The following TOMM20 variants were observed in gnomAD, a reference collection of about 807,000 sequenced individuals.
TOMM20 encodes the protein translocase of outer mitochondrial membrane 20.
A neutral mutation model predicts 22.1 loss-of-function variants in TOMM20; 10 were observed. The observed-to-expected ratio is 0.45, with a 90% confidence interval of 0.28 to 0.77. The LOEUF (loss-of-function observed/expected upper bound fraction) is 0.77, where lower values mean the gene tolerates loss of function less well. Among genes scored for constraint, TOMM20 ranks in the 30% least tolerant of loss-of-function variants. TOMM20 has a pLI of 0.13. For missense variants in TOMM20, 121 were observed against 172.2 expected (o/e 0.70, Z 1.66); for synonymous variants, 55 against 61.4 (o/e 0.90, Z 0.49).
At chr1:235,120,276 GT>G (rs967019431) in intron 2 of TOMM20, among the ~76,000 whole-genome samples, 3 of 151,920 alleles carry the variant, frequency 2.0e-5, no homozygotes, top group Non-Finnish European at 4.4e-5. Flanking sequence ...TGTTGTTTTT[GT>G]TTTTTTGTTT....
chr1:235,118,541 T>A (rs1285068959), intron 3 of TOMM20, among the ~76,000 whole-genome samples: 1 of 152,190 alleles, frequency 6.6e-6, no homozygotes, highest in African/African-American at 2.4e-5. Flanking sequence ...TATATAGTTT[T>A]TAAGAGACAG....
chr1:235,122,230 G>T, intron 2 of TOMM20, 96 bp downstream of exon 2: 1 of 1,157,656 alleles, frequency 8.6e-7, no homozygotes, highest in Non-Finnish European at 1.2e-6. Context: ...GTATCAACTA[G>T]CTTTTTCCAA....
intron 3 of TOMM20, among the ~76,000 whole-genome samples, chr1:235,114,963 G>A (rs1438226905): frequency 6.6e-6 from 1 of 151,902 alleles, no homozygotes; most frequent in African/African-American, 2.4e-5. Context: ...TCAACCTCCT[G>A]GGCTCAAGCA....
chr1:235,117,003 T>A (rs11579715), intron 3 of TOMM20, among the ~76,000 whole-genome samples: 1 of 148,956 alleles, frequency 6.7e-6, no homozygotes, highest in South Asian at 2.1e-4. Flanking sequence ...GGCGTGGTGG[T>A]GGGCGCCTGT....
chr1:235,125,742 CTTTTT>C (rs397863373), intron 1 of TOMM20, among the ~76,000 whole-genome samples: 7 of 141,312 alleles, frequency 5.0e-5, no homozygotes, highest in Non-Finnish European at 9.3e-5. Context: ...CGCAACTGCA[CTTTTT>C]TTTTTTTTTT....
At chr1:235,120,444 T>A (rs1660911597) in intron 2 of TOMM20, among the ~76,000 whole-genome samples, 1 of 151,946 alleles carries the variant, frequency 6.6e-6, no homozygotes, top group African/African-American at 2.4e-5. Context: ...TTTGTATTTT[T>A]AGTAGAGATA....
chr1:235,126,617 A>C (rs1158169661), intron 1 of TOMM20, among the ~76,000 whole-genome samples: 1 of 152,050 alleles, frequency 6.6e-6, no homozygotes, highest in Non-Finnish European at 1.5e-5. Context: ...AACCTGGCCA[A>C]TATGGTGAAA....
chr1:235,128,512 G>A (rs1244721243), intron 1 of TOMM20, 83 bp downstream of exon 1: 5 of 1,598,664 alleles, frequency 3.1e-6, no homozygotes, highest in Non-Finnish European at 4.3e-6. Flanking sequence ...CGGCCCACAG[G>A]CTGGTGGGAG....
intron 2 of TOMM20, 77 bp downstream of exon 2, chr1:235,122,238 CAATTACATTTT>C (rs1572130609): frequency 8.1e-7 from 1 of 1,227,946 alleles, no homozygotes; most frequent in Non-Finnish European, 1.1e-6. Flanking sequence ...TAGCTTTTTC[CAATTACATTTT>C]AATTACATTT....
At position 235,128,648 on chromosome 1, in the gene TOMM20, T is replaced by C. The variant is rs781094074; in HGVS notation, c.68A>G (p.Tyr23Cys). Residue 23 changes from tyrosine to cysteine, a missense_variant, in exon 1 of 5, where the codon TAC becomes TGC. Physicochemically the swap from Tyr to Cys is radical, Grantham distance 194. Transcript: ENST00000366607. Reference protein sequence around the residue: ...CGALFIGYCIYFDRKRRSDPN... With the variant: ...CGALFIGYCICFDRKRRSDPN... Reference sequence around the variant, plus strand: ...GTCACTTCGTCTTTTGCGGTCGAAGTAGATGCAGTACCCAATGAAAAGGGC... The same window carrying C: ...GTCACTTCGTCTTTTGCGGTCGAAGCAGATGCAGTACCCAATGAAAAGGGC... 1.2e-6 allele frequency: 2 copies of C among 1,613,876 alleles called. No individual in the cohort carries two copies. The highest frequency in any genetic ancestry group is 2.2e-5 in the South Asian group (2 of 91,072).
At position 235,128,826 on chromosome 1, in the gene TOMM20, G is replaced by A. The variant is rs898680133; in HGVS notation, c.-111C>T. 6.5e-6 allele frequency: 10 copies of A among 1,539,102 alleles called. No individual in the cohort carries two copies. The African/African-American group carries it at 6.9e-5, about 11-fold the overall frequency. The stretch of plus-strand genomic sequence containing the variant: ...CTCACACCCGACGGCCGCGGGCCAG[G>A]AACACAGAAAGGCCGAGCACACGCC... On this transcript the variant is annotated 5_prime_UTR_variant, in exon 1 of 5. Coordinates refer to ENST00000366607, the MANE Select transcript of TOMM20 (RefSeq NM_014765.3).
In TOMM20 at chr1:235,121,525, C is replaced by T. The variant is rs373874076; in HGVS notation, c.168+801G>A. ...AAGTAGTTTCCTCCCATTTTCACTT[C>T]ACTATTACCATGTCCAGTCAACTAG... On this transcript the variant is annotated intron_variant, in intron 2 of 4. Coordinates refer to ENST00000366607, the MANE Select transcript of TOMM20 (RefSeq NM_014765.3). Among the ~76,000 whole-genome samples, 13 of 152,328 alleles carry T rather than the reference C, an allele frequency of 8.5e-5. No homozygotes were observed. In the South Asian group the frequency reaches 1.9e-3, roughly 22 times the overall value.
chr1:235,124,749 TC>T (rs1660983984), intron 1 of TOMM20, among the ~76,000 whole-genome samples: 2 of 152,218 alleles, frequency 1.3e-5, no homozygotes, highest in African/African-American at 4.8e-5. Context: ...AATTTTAAGA[TC>T]ACTTAGTTGC....
chr1:235,123,438 C>A (rs1028768256), intron 1 of TOMM20, among the ~76,000 whole-genome samples: 1 of 152,122 alleles, frequency 6.6e-6, no homozygotes, highest in South Asian at 2.1e-4. Context: ...TGAGCAGAGA[C>A]TGTGCCACTG....
At position 235,109,446 on chromosome 1, in the gene TOMM20, T is replaced by C. The variant is rs1660698236; in HGVS notation, c.*2618A>G. ...GATTTTGTATGTTATCTGCATGATA[T>C]ACCAATTTTCTCAATCTCTTCTGCA... is the stretch of plus-strand genomic sequence containing the variant. On this transcript the variant is annotated 3_prime_UTR_variant, in exon 5 of 5. Transcript: ENST00000366607. 1 of 152,240 alleles carries C rather than the reference T, an allele frequency of 6.6e-6. No individual in the cohort carries two copies. Among genetic ancestry groups the C allele is most frequent in the Admixed American group, 6.5e-5 (1 of 15,284 alleles). The allele number at this position is 152,240 out of a possible 1,614,324, so 9.4% of individuals were successfully genotyped here.
intron 1 of TOMM20, among the ~76,000 whole-genome samples, chr1:235,126,727 G>A (rs774419402): frequency 3.3e-5 from 5 of 152,012 alleles, no homozygotes; most frequent in Non-Finnish European, 7.4e-5. Flanking sequence ...TTGAACCCGG[G>A]AGGCGGAGGT....
At chr1:235,124,494 T>A (rs767289253) in intron 1 of TOMM20, among the ~76,000 whole-genome samples, 2 of 152,224 alleles carry the variant, frequency 1.3e-5, no homozygotes, top group African/African-American at 4.8e-5. Flanking sequence ...TCTGCCTCTA[T>A]AGTTAATAGT....
At chr1:235,118,052 G>A (rs1310196728) in intron 3 of TOMM20, among the ~76,000 whole-genome samples, 5 of 152,208 alleles carry the variant, frequency 3.3e-5, no homozygotes, top group Admixed American at 3.3e-4. Flanking sequence ...GACTGGCTAA[G>A]TCAGTTCCTG....
At chr1:235,113,087 C>T (rs1660766399) in intron 4 of TOMM20, among the ~76,000 whole-genome samples, 1 of 152,080 alleles carries the variant, frequency 6.6e-6, no homozygotes, top group Non-Finnish European at 1.5e-5. Context: ...TTAATCACAC[C>T]AACTTGGGAA....
Sources: gnomAD v4.1 joint callset for allele counts (sites outside exome capture counted in the v4.1 genomes callset) on GRCh38, gnomAD v4.1.1 for gene constraint, MANE v1.5 for transcripts, NCBI Gene and HGNC (gene_info 2026-07-23, HGNC 2026-07-21) for gene names.